DOCK2: variants seen among roughly 807,000 people sequenced by gnomAD.
The protein encoded by DOCK2 is dedicator of cytokinesis protein 2.
Under a neutral mutation model 248.9 loss-of-function variants are expected in DOCK2, and 87 were observed. The ratio of observed to expected loss-of-function variants is 0.35; its 90% confidence interval spans 0.29 to 0.42. The LOEUF (loss-of-function observed/expected upper bound fraction) is 0.42. Ranked by LOEUF, DOCK2 falls within the 10% of genes least tolerant of loss-of-function variation. The pLI, the probability that DOCK2 is intolerant of heterozygous loss-of-function variation, is 1.00. For missense variants in DOCK2, 1,747 were observed against 2,300.2 expected, an observed-to-expected ratio of 0.76 and a Z score of 4.92; for synonymous variants, 805 against 821.6, an observed-to-expected ratio of 0.98 and a Z score of 0.35.
At chr5:169,750,123 C>T (rs564975784) in intron 23 of DOCK2, among the ~76,000 whole-genome samples, 1 of 152,318 alleles carries the variant, frequency 6.6e-6, no homozygotes, top group South Asian at 2.1e-4. Context: ...GCCAGTTTCT[C>T]ATCCCAGAGG....
intron 27 of DOCK2, among the ~76,000 whole-genome samples, chr5:169,952,626 G>T (rs1776706322): frequency 6.6e-6 from 1 of 152,090 alleles, no homozygotes; most frequent in Non-Finnish European, 1.5e-5. Flanking sequence ...CAGAATCCCT[G>T]CTAAGAGCTC....
At chr5:169,812,578 A>T (rs1410652440) in intron 26 of DOCK2, among the ~76,000 whole-genome samples, 1 of 152,202 alleles carries the variant, frequency 6.6e-6, no homozygotes, top group Non-Finnish European at 1.5e-5. Flanking sequence ...AAGGCTAGGG[A>T]TGGCTGCTCT....
intron 26 of DOCK2, among the ~76,000 whole-genome samples, chr5:169,839,369 T>C (rs1769800432): frequency 6.6e-6 from 1 of 152,192 alleles, no homozygotes; most frequent in Admixed American, 6.5e-5. Flanking sequence ...ACCTTCTACA[T>C]TTTTGTAGAT....
At chr5:170,063,783 G>GT (rs1400378107) in intron 44 of DOCK2, among the ~76,000 whole-genome samples, 1 of 152,178 alleles carries the variant, frequency 6.6e-6, no homozygotes, top group Non-Finnish European at 1.5e-5. Flanking sequence ...GCAAAAAGAG[G>GT]TGGATATACA....
intron 1 of DOCK2, among the ~76,000 whole-genome samples, chr5:169,651,592 T>G (rs998106154): frequency 5.9e-5 from 9 of 152,190 alleles, no homozygotes; most frequent in Non-Finnish European, 1.0e-4. Context: ...AAGCCTCAGT[T>G]GCTTCCACCA....
intron 27 of DOCK2, among the ~76,000 whole-genome samples, chr5:169,906,328 T>G (rs1774276807): frequency 6.6e-6 from 1 of 152,178 alleles, no homozygotes; most frequent in Non-Finnish European, 1.5e-5. Context: ...CCCAAGCCAG[T>G]GTGTGCACAT....
At chr5:169,897,565 T>A (rs959992262) in intron 27 of DOCK2, among the ~76,000 whole-genome samples, 3 of 152,152 alleles carry the variant, frequency 2.0e-5, no homozygotes, top group Non-Finnish European at 2.9e-5. Context: ...CACTACTGTA[T>A]CAAGTGGGAA....
rs1471033111 is a variant in DOCK2 at position 170,067,491 on chromosome 5, G to A, written c.4468-19G>A. On this transcript the variant is annotated intron_variant, in intron 44 of 51. Transcript: ENST00000520908. ...ACTTAACTAAGGCCCTTTCTTCTTG[G>A]TGATCTCATTTTCAACAGACCACAA... 6.2e-7 allele frequency: 1 copy of A among 1,607,208 alleles called. No homozygotes were observed. The highest frequency in any genetic ancestry group is 2.2e-5 in the East Asian group (1 of 44,746).
chr5:169,998,444 A>G (rs1296588360), intron 30 of DOCK2, among the ~76,000 whole-genome samples: 2 of 152,222 alleles, frequency 1.3e-5, no homozygotes, highest in African/African-American at 4.8e-5. Flanking sequence ...AAATCAGGCA[A>G]CTGAGTGACA....
At chr5:169,723,780 T>C (rs1298539230) in intron 22 of DOCK2, among the ~76,000 whole-genome samples, 1 of 152,216 alleles carries the variant, frequency 6.6e-6, no homozygotes, top group Non-Finnish European at 1.5e-5. Context: ...CCTTTTGATG[T>C]CTTTTTCTCC....
intron 26 of DOCK2, among the ~76,000 whole-genome samples, chr5:169,840,456 T>G (rs1002481024): frequency 1.3e-5 from 2 of 152,198 alleles, no homozygotes; most frequent in Non-Finnish European, 2.9e-5. Context: ...CTAATTATTG[T>G]CAGAGCTAGT....
intron 23 of DOCK2, among the ~76,000 whole-genome samples, chr5:169,753,821 C>T (rs1054286959): frequency 1.7e-4 from 26 of 152,156 alleles, no homozygotes; most frequent in East Asian, 5.8e-4. Context: ...TTATTTTCCT[C>T]GGGGACAACT....
At chr5:169,953,160 A>G (rs1776731642) in intron 27 of DOCK2, among the ~76,000 whole-genome samples, 1 of 152,084 alleles carries the variant, frequency 6.6e-6, no homozygotes. Context: ...TGTCTCTACT[A>G]AAAATACAAA....
At chr5:169,747,246 C>T in intron 22 of DOCK2, 150 bp from the exon 23 acceptor site, 5 of 615,066 alleles carry the variant, frequency 8.1e-6, no homozygotes, top group East Asian at 3.0e-5. Context: ...GAGAATGATG[C>T]ACGCAGCATC....
At chr5:169,755,174 G>A (rs993083461) in intron 23 of DOCK2, among the ~76,000 whole-genome samples, 1 of 151,738 alleles carries the variant, frequency 6.6e-6, no homozygotes, top group African/African-American at 2.4e-5. Context: ...TTGAAACCCT[G>A]GGCTCAAGTG....
chr5:169,746,985 A>G (rs1336593151), intron 22 of DOCK2, among the ~76,000 whole-genome samples: 1 of 152,176 alleles, frequency 6.6e-6, no homozygotes, highest in Non-Finnish European at 1.5e-5. Context: ...CAAACAGACA[A>G]TGGGTGGCGG....
At position 169,718,559 on chromosome 5, in the gene DOCK2, A is replaced by G. The variant is rs1581089685; in HGVS notation, c.2133-98A>G. On this transcript the variant is annotated intron_variant, in intron 21 of 51. Coordinates refer to ENST00000520908, the MANE Select transcript of DOCK2 (RefSeq NM_004946.3). ...ATGAGTAAGTGAGCTTGGCTCTACT[A>G]CCACCTTTAACCTTTGATTGAATGC... 5 of 1,364,930 alleles carry G rather than the reference A, an allele frequency of 3.7e-6. No individual in the cohort carries two copies. In the East Asian group the frequency reaches 7.5e-5, roughly 20 times the overall value. The allele number at this position is 1,364,930 out of a possible 1,614,324, so 84.6% of individuals were successfully genotyped here.
intron 14 of DOCK2, among the ~76,000 whole-genome samples, chr5:169,706,851 G>A (rs1350523748): frequency 3.3e-5 from 5 of 152,220 alleles, no homozygotes. Flanking sequence ...GAGATTTCCA[G>A]TGTGAAGGGC....
intron 44 of DOCK2, among the ~76,000 whole-genome samples, chr5:170,058,712 T>G (rs1426967012): frequency 1.3e-5 from 2 of 152,170 alleles, no homozygotes; most frequent in Non-Finnish European, 2.9e-5. Flanking sequence ...CCATAAGGAC[T>G]TTGACTTTCC....
Sources: allele counts gnomAD v4.1 joint callset (sites outside exome capture counted in the v4.1 genomes callset), GRCh38; gene constraint gnomAD v4.1.1; transcripts MANE v1.5; gene names NCBI Gene and HGNC (gene_info 2026-07-23, HGNC 2026-07-21).